MLANA: variants seen among roughly 807,000 people sequenced by gnomAD.
The protein encoded by MLANA is melanoma antigen recognized by T-cells 1.
A neutral mutation model predicts 15.7 loss-of-function variants in MLANA; 21 were observed. The observed-to-expected ratio is 1.33, with a 90% CI of 0.95 to 1.92. The LOEUF is 1.92. Ranked by LOEUF, MLANA falls within the 40% of genes most tolerant of loss-of-function variation. The probability of loss-of-function intolerance (pLI) is 0.00; values close to 1 mark genes in which losing one functional copy is unlikely to be tolerated. For missense variants in MLANA, 164 were observed against 143.8 expected, an observed-to-expected ratio of 1.14 and a Z score of -0.72; for synonymous variants, 56 against 51.5, an observed-to-expected ratio of 1.09 and a Z score of -0.37.
chr9:5,896,826 C>A (rs1163463492), intron 2 of MLANA, among the ~76,000 whole-genome samples: 2 of 152,166 alleles, frequency 1.3e-5, no homozygotes, highest in Admixed American at 6.5e-5. Context: ...AGATTGGCAC[C>A]CTGCTGCTTA....
chr9:5,893,280 T>C (rs1275860336), intron 2 of MLANA, among the ~76,000 whole-genome samples: 1 of 152,094 alleles, frequency 6.6e-6, no homozygotes, highest in Non-Finnish European at 1.5e-5. Context: ...AGGGACATAC[T>C]CTGTACGTGC....
Position 5,908,683 on chromosome 9 carries a change from A to G in MLANA, c.332A>G (p.Gln111Arg), listed in dbSNP as rs1275791989. 4 of 1,614,150 alleles carry G rather than the reference A, an allele frequency of 2.5e-6. No individual in the cohort carries two copies. Among genetic ancestry groups the G allele is most frequent in the Middle Eastern group, 1.6e-4 (1 of 6,062 alleles). ...GCTTATGAGAAACTCTCTGCAGAAC[A>G]GTCACCACCACCTTATTCACCTTAA... Reference protein sequence around the residue: ...PPAYEKLSAEQSPPPYSP With the variant: ...PPAYEKLSAERSPPPYSP The change falls in exon 5 of 5, where the codon CAG becomes CGG. Residue 111 changes from glutamine to arginine, a missense_variant. By Grantham distance (43) the Gln-to-Arg change is conservative (BLOSUM62 1). Transcript: ENST00000381477.
rs559520603 is a variant in MLANA, at chr9:5,892,392, G to C, written c.-25-58G>C. 37 of 1,275,138 alleles carry C rather than the reference G, an allele frequency of 2.9e-5. No individual in the cohort carries two copies. The South Asian group carries it at 4.7e-4, about 16-fold the overall frequency. The allele number at this position is 1,275,138 out of a possible 1,614,324, so 79.0% of individuals were successfully genotyped here. On this transcript the variant is annotated intron_variant, in intron 1 of 4. Transcript: ENST00000381477. Reference sequence around the variant, plus strand: ...AGGATGCTGTTGTGGGTCTTTATGAGATGATGAATAGGGTGGCTTTGGATG... The same window carrying C: ...AGGATGCTGTTGTGGGTCTTTATGACATGATGAATAGGGTGGCTTTGGATG...
intron 3 of MLANA, among the ~76,000 whole-genome samples, chr9:5,901,545 G>T (rs1563816509): frequency 6.6e-6 from 1 of 151,796 alleles, no homozygotes; most frequent in Non-Finnish European, 1.5e-5. Flanking sequence ...TTGAGATGGG[G>T]TCTCATTCTG....
intron 3 of MLANA, among the ~76,000 whole-genome samples, chr9:5,906,198 A>G (rs1049411377): frequency 4.6e-5 from 7 of 151,002 alleles, no homozygotes; most frequent in African/African-American, 1.7e-4. Flanking sequence ...AAAAAAAAAA[A>G]AGAAAGAAAG....
At chr9:5,893,408 T>G (rs1457962785) in intron 2 of MLANA, among the ~76,000 whole-genome samples, 1 of 152,206 alleles carries the variant, frequency 6.6e-6, no homozygotes, top group East Asian at 1.9e-4. Context: ...GAAAGAGCTG[T>G]TGAACAATCT....
At chr9:5,900,806 G>A (rs965877782) in intron 3 of MLANA, among the ~76,000 whole-genome samples, 4 of 152,210 alleles carry the variant, frequency 2.6e-5, no homozygotes, top group African/African-American at 4.8e-5. Flanking sequence ...CTGAACAGTG[G>A]TTTTTATATT....
At position 5,894,039 on chromosome 9, in the gene MLANA, C is replaced by A. The variant is rs548793124; in HGVS notation, c.77+1488C>A. On this transcript the variant is annotated intron_variant, in intron 2 of 4. Coordinates refer to ENST00000381477, the MANE Select transcript of MLANA (RefSeq NM_005511.2). This position sits in a 1 kb window ranked among gnomAD's most constrained non-coding sequence, Gnocchi z 4.0. ...TGGGATTTAAATCCAGGTCTGTTTGCCTCCAGAGTCCATGCTCTTAAGTGT... is the reference window on the plus strand; with the variant it reads ...TGGGATTTAAATCCAGGTCTGTTTGACTCCAGAGTCCATGCTCTTAAGTGT... 3.9e-5 allele frequency among the ~76,000 whole-genome samples: 6 copies of A among 152,148 alleles called. No homozygotes were observed. In the East Asian group the frequency reaches 1.2e-3, roughly 29 times the overall value.
Position 5,897,558 on chromosome 9 carries a change from G to A in MLANA, c.79G>A (p.Ala27Thr). ...HGHSYTTAEEAAGIGILTVIL... is the reference protein window; with the variant it reads ...HGHSYTTAEETAGIGILTVIL... Reference sequence around the variant, plus strand: ...GGATTTGTCTATCTCTTGGGCCAGGGCCGCTGGGATCGGCATCCTGACAGT... The same window carrying A: ...GGATTTGTCTATCTCTTGGGCCAGGACCGCTGGGATCGGCATCCTGACAGT... The change falls in exon 3 of 5, where the codon GCC (alanine) becomes ACC (threonine). Residue 27 changes from alanine to threonine, a missense_variant and splice_region_variant. Physicochemically the swap from Ala to Thr is moderately conservative, Grantham distance 58. Transcript: ENST00000381477. 1 of 1,614,006 alleles carries A rather than the reference G, an allele frequency of 6.2e-7. No homozygotes were observed. Among genetic ancestry groups the A allele is most frequent in the South Asian group, 1.1e-5 (1 of 91,082 alleles).
intron 3 of MLANA, among the ~76,000 whole-genome samples, chr9:5,904,379 C>T (rs1832658483): frequency 6.6e-6 from 1 of 152,142 alleles, no homozygotes; most frequent in South Asian, 2.1e-4. Flanking sequence ...TTCTTTGTTT[C>T]TATTTTTGTC....
rs541322555 is a variant in MLANA at position 5,893,065 on chromosome 9, G to A, written c.77+514G>A. Among the ~76,000 whole-genome samples, 5 of 152,298 alleles carry A rather than the reference G, an allele frequency of 3.3e-5. No individual in the cohort carries two copies. In the South Asian group the frequency reaches 6.2e-4, roughly 19 times the overall value. On this transcript the variant is annotated intron_variant, in intron 2 of 4. Transcript: ENST00000381477. ...CCTAAGGAAAGACATTGGGTTTTAT[G>A]AGTGAATTAAAAATAAGTATTTATA...
At chr9:5,903,019 T>C (rs2129964436) in intron 3 of MLANA, among the ~76,000 whole-genome samples, 1 of 152,348 alleles carries the variant, frequency 6.6e-6, no homozygotes. Context: ...AATTCTGATA[T>C]CATATTTTAA....
At chr9:5,897,009 A>T (rs1341728786) in intron 2 of MLANA, among the ~76,000 whole-genome samples, 1 of 152,178 alleles carries the variant, frequency 6.6e-6, no homozygotes, top group Non-Finnish European at 1.5e-5. Context: ...GCTCTGTATG[A>T]TCACCAGCGA....
At chr9:5,900,432 T>G (rs1832339153) in intron 3 of MLANA, among the ~76,000 whole-genome samples, 1 of 152,222 alleles carries the variant, frequency 6.6e-6, no homozygotes, top group Non-Finnish European at 1.5e-5. Context: ...AAAGTCAGTT[T>G]GGAGATCAGC....
intron 1 of MLANA, among the ~76,000 whole-genome samples, chr9:5,892,180 A>G (rs1454249853): frequency 2.0e-5 from 3 of 152,198 alleles, no homozygotes; most frequent in Non-Finnish European, 2.9e-5. Context: ...ACCAAATAAT[A>G]ACTCAACTTG....
intron 3 of MLANA, among the ~76,000 whole-genome samples, chr9:5,904,270 T>A (rs983438115): frequency 2.0e-5 from 3 of 152,238 alleles, no homozygotes; most frequent in Admixed American, 6.5e-5. Context: ...CAATCTGTCT[T>A]TTAATTGGTG....
At chr9:5,908,545 G>T (rs758145281) in intron 4 of MLANA, 95 bp from the exon 5 acceptor site, 49 of 1,088,032 alleles carry the variant, frequency 4.5e-5, no homozygotes, top group Admixed American at 2.9e-4. Context: ...AGTCCACAGG[G>T]AAAGTATAAA....
chr9:5,897,502 A>T (rs1016857706), intron 2 of MLANA, 55 bp from the exon 3 acceptor site: 2 of 1,480,934 alleles, frequency 1.4e-6, no homozygotes, highest in Non-Finnish European at 1.9e-6. Context: ...ATGCTTCATC[A>T]TAATGTAGAA....
At chr9:5,893,120 G>A (rs1831760537) in intron 2 of MLANA, among the ~76,000 whole-genome samples, 1 of 152,194 alleles carries the variant, frequency 6.6e-6, no homozygotes, top group African/African-American at 2.4e-5. Context: ...GCTAAGCATT[G>A]TATACTGGCG....
Sources: allele counts gnomAD v4.1 joint callset (sites outside exome capture counted in the v4.1 genomes callset), GRCh38; gene constraint gnomAD v4.1.1; non-coding constraint Gnocchi (gnomAD v3.1); transcripts MANE v1.5; gene names NCBI Gene and HGNC (gene_info 2026-07-23, HGNC 2026-07-21).